The following ARHGEF7 variants were observed in gnomAD, a reference collection of about 807,000 sequenced individuals.
The protein encoded by ARHGEF7 is PAK-interacting exchange factor beta.
A neutral mutation model predicts 109.8 loss-of-function variants in ARHGEF7; 33 were observed. The observed-to-expected ratio is 0.30, with a 90% CI of 0.23 to 0.40. The LOEUF (loss-of-function observed/expected upper bound fraction) is 0.40. Ranked by LOEUF, ARHGEF7 falls within the 10% of genes least tolerant of loss-of-function variation. ARHGEF7 has a pLI of 1.00. For synonymous variants in ARHGEF7, 458 were observed against 424.6 expected (o/e 1.08, Z -0.97); for missense variants, 938 against 1,098.5 (o/e 0.85, Z 2.07).
intron 1 of ARHGEF7, among the ~76,000 whole-genome samples, chr13:111,125,587 A>T (rs546603876): frequency 6.6e-6 from 1 of 152,358 alleles, no homozygotes; most frequent in South Asian, 2.1e-4. Context: ...TTGTTCTGAC[A>T]GTGTGATCTA....
intron 2 of ARHGEF7, 57 bp from the exon 3 acceptor site, chr13:111,205,232 C>A: frequency 7.2e-7 from 1 of 1,391,902 alleles, no homozygotes; most frequent in Non-Finnish European, 9.9e-7. Context: ...GAACTTAGTT[C>A]ATCCTGCACC....
intron 2 of ARHGEF7, chr13:111,185,010 ATT>A: frequency 6.9e-6 from 1 of 145,742 alleles, no homozygotes; most frequent in Non-Finnish European, 1.5e-5. Flanking sequence ...TAGAATTGTC[ATT>A]TTTTTTTTTC....
At position 111,131,696 on chromosome 13, in the gene ARHGEF7, G is replaced by T. The variant is rs954423372; in HGVS notation, c.165+16005G>T. Among the ~76,000 whole-genome samples the T allele has an allele frequency of 6.6e-6, 1 of 152,136 alleles. No homozygotes were observed. The highest frequency in any genetic ancestry group is 2.4e-5 in the African/African-American group (1 of 41,424). ...GGGCAGTGACCTGAGGTCAGGGGAC[G>T]AGAGTGCTGGTGTGTTTCTGAGAGG... On this transcript the variant is annotated intron_variant, in intron 1 of 21. Coordinates refer to ENST00000646102, the MANE Select transcript of ARHGEF7 (RefSeq NM_001354046.2). This position sits in a 1 kb window ranked among gnomAD's most constrained non-coding sequence, Gnocchi z 4.4.
At chr13:111,251,023 G>T (rs1046864492) in intron 8 of ARHGEF7, among the ~76,000 whole-genome samples, 7 of 152,226 alleles carry the variant, frequency 4.6e-5, no homozygotes, top group African/African-American at 1.4e-4. Context: ...ACATTGCTGA[G>T]TGGCATGATC....
At chr13:111,286,125 A>G in intron 16 of ARHGEF7, 22 bp from the exon 17 acceptor site, 3 of 1,590,718 alleles carry the variant, frequency 1.9e-6, no homozygotes, top group Non-Finnish European at 2.6e-6. Context: ...GTATGTTAGC[A>G]TTTTCTTTTG....
chr13:111,290,441 A>C (rs138484020), intron 18 of ARHGEF7, among the ~76,000 whole-genome samples: 1 of 152,258 alleles, frequency 6.6e-6, no homozygotes, highest in Non-Finnish European at 1.5e-5. Context: ...TGTAGGTACA[A>C]TGCAAACACC....
intron 19 of ARHGEF7, 133 bp from the exon 20 acceptor site, chr13:111,300,615 G>T: frequency 1.7e-6 from 1 of 589,802 alleles, no homozygotes; most frequent in Non-Finnish European, 2.9e-6. Flanking sequence ...CCTCTAGCTT[G>T]CCTGGATGAA....
At chr13:111,192,130 A>G (rs909325423) in intron 2 of ARHGEF7, among the ~76,000 whole-genome samples, 5 of 152,166 alleles carry the variant, frequency 3.3e-5, no homozygotes, top group African/African-American at 1.2e-4. Context: ...AGTGGTTCGC[A>G]GGTGTATCAA....
intron 5 of ARHGEF7, among the ~76,000 whole-genome samples, chr13:111,224,801 C>G (rs996454369): frequency 2.0e-5 from 3 of 152,180 alleles, no homozygotes; most frequent in Admixed American, 6.5e-5. Context: ...ACCCCAGAAC[C>G]TTGCCTTCCT....
chr13:111,195,399 A>G (rs907206378), intron 2 of ARHGEF7, among the ~76,000 whole-genome samples: 2 of 152,220 alleles, frequency 1.3e-5, no homozygotes, highest in Admixed American at 6.5e-5. Context: ...AAGTCTTCCA[A>G]TTACAACTGA....
rs1361013388 is a variant in ARHGEF7 at position 111,221,561 on chromosome 13, A to C, written c.670+3681A>C. ...TATATAGATACATATCTATATATCTATATATATAGATACATATCTATATAT... is the reference window on the plus strand; with the variant it reads ...TATATAGATACATATCTATATATCTCTATATATAGATACATATCTATATAT... On this transcript the variant is annotated intron_variant, in intron 5 of 21. Transcript: ENST00000646102. Among the ~76,000 whole-genome samples the C allele has an allele frequency of 7.7e-4, 36 of 46,562 alleles. No individual in the cohort carries two copies. In the East Asian group the frequency reaches 8.9e-3, roughly 11 times the overall value. The allele number at this position is 46,562 out of a possible 152,430, so 30.5% of individuals were successfully genotyped here. A position where few individuals can be genotyped will look rare whatever the true frequency, so the allele number is the denominator to read the frequency against.
At chr13:111,247,271 T>C (rs2089025734) in intron 8 of ARHGEF7, among the ~76,000 whole-genome samples, 1 of 139,692 alleles carries the variant, frequency 7.2e-6, no homozygotes, top group South Asian at 2.3e-4. Flanking sequence ...TTCATACTCA[T>C]TCTTTTTTTT....
intron 9 of ARHGEF7, among the ~76,000 whole-genome samples, chr13:111,268,313 G>T (rs2091846403): frequency 1.3e-5 from 2 of 151,990 alleles, no homozygotes; most frequent in Non-Finnish European, 2.9e-5. Context: ...AGAGCTCAGA[G>T]GCTCACTTTC....
Position 111,153,919 on chromosome 13 carries a change from C to T in ARHGEF7, c.180C>T (p.Pro60=), listed in dbSNP as rs772269978. 4.4e-6 allele frequency: 7 copies of T among 1,605,304 alleles called. No individual in the cohort carries two copies. The African/African-American group carries it at 5.5e-5, about 13-fold the overall frequency. ...PGTIEKVYPE[P]RSESECLSNI... ...CTGTATTGCAGGTCTACCCCGAGCC[C>T]CGGAGCGAGAGCGAGTGCCTGAGCA... Residue 60 remains proline, a synonymous_variant, in exon 2 of 22, where the codon CCC becomes CCT. Coordinates refer to ENST00000646102, the MANE Select transcript of ARHGEF7 (RefSeq NM_001354046.2).
chr13:111,160,669 T>C (rs1324053037), intron 2 of ARHGEF7, among the ~76,000 whole-genome samples: 5 of 152,146 alleles, frequency 3.3e-5, no homozygotes, highest in Non-Finnish European at 7.4e-5. Flanking sequence ...AAAAATCTAT[T>C]GGACAGTGCT....
chr13:111,174,992 G>T (rs1363653919), intron 2 of ARHGEF7, among the ~76,000 whole-genome samples: 1 of 152,196 alleles, frequency 6.6e-6, no homozygotes, highest in East Asian at 1.9e-4. Context: ...CCGTCCTCCT[G>T]TGTTGGGAGC....
chr13:111,139,452 C>G (rs1403797364), intron 1 of ARHGEF7, among the ~76,000 whole-genome samples: 1 of 152,250 alleles, frequency 6.6e-6, no homozygotes, highest in Non-Finnish European at 1.5e-5. Context: ...CATCTCTGAA[C>G]TGTCAGAATC....
At chr13:111,199,932 C>G (rs1344985237) in intron 2 of ARHGEF7, among the ~76,000 whole-genome samples, 1 of 152,158 alleles carries the variant, frequency 6.6e-6, no homozygotes, top group East Asian at 1.9e-4. Flanking sequence ...TGCATGGGCT[C>G]ACCCCTCTTC....
chr13:111,243,166 A>C (rs1218653746), intron 6 of ARHGEF7, among the ~76,000 whole-genome samples: 4 of 152,206 alleles, frequency 2.6e-5, no homozygotes, highest in Non-Finnish European at 4.4e-5. Flanking sequence ...CATATTCACT[A>C]GGGAAAGTCT....
Sources: gnomAD v4.1 joint callset for allele counts (sites outside exome capture counted in the v4.1 genomes callset) on GRCh38, gnomAD v4.1.1 for gene constraint, Gnocchi (gnomAD v3.1) non-coding constraint, MANE v1.5 for transcripts, NCBI Gene and HGNC (gene_info 2026-07-23, HGNC 2026-07-21) for gene names.